The following RYR3 variants were observed in gnomAD, a reference collection of about 807,000 sequenced individuals.
The protein encoded by RYR3 is ryanodine receptor 3, also known as brain ryanodine receptor-calcium release channel.
RYR3 carries 207 observed loss-of-function variants against 584.3 expected under a neutral mutation model. The observed-to-expected ratio is 0.35, with a 90% CI of 0.32 to 0.40. RYR3 has a LOEUF of 0.40. Among genes scored for constraint, RYR3 ranks in the 10% least tolerant of loss-of-function variants. RYR3 has a pLI of 1.00. For synonymous variants in RYR3, 2,416 were observed against 2,248.5 expected (o/e 1.07, Z -2.11); for missense variants, 5,616 against 6,089.2 (o/e 0.92, Z 2.59).
chr15:33,725,920 A>G (rs1225045168), intron 45 of RYR3, among the ~76,000 whole-genome samples: 3 of 136,508 alleles, frequency 2.2e-5, no homozygotes, highest in South Asian at 4.9e-4. Flanking sequence ...CAGTGAGCTG[A>G]GATCACGCCA....
At chr15:33,597,618 C>CAA (rs3085330) in intron 16 of RYR3, among the ~76,000 whole-genome samples, 14,758 of 128,156 alleles carry the variant, frequency 0.12, 980 homozygotes, top group Middle Eastern at 0.19. Flanking sequence ...GACTCTGTCT[C>CAA]AAAAAAAAAA....
At chr15:33,526,800 G>A (rs1401408864) in intron 3 of RYR3, among the ~76,000 whole-genome samples, 1 of 152,286 alleles carries the variant, frequency 6.6e-6, no homozygotes, top group Non-Finnish European at 1.5e-5. Context: ...ATTCTAGGGG[G>A]AGAGAGAATA....
chr15:33,818,515 A>T (rs942379241), intron 75 of RYR3, 63 bp from the exon 76 acceptor site: 3 of 1,230,180 alleles, frequency 2.4e-6, no homozygotes, highest in African/African-American at 3.0e-5. Flanking sequence ...CTTTGTTCGC[A>T]TGCCAGTCAC....
chr15:33,730,934 C>T (rs1027416623), intron 47 of RYR3, among the ~76,000 whole-genome samples: 5 of 152,198 alleles, frequency 3.3e-5, no homozygotes, highest in African/African-American at 1.2e-4. Context: ...AAGTGCTCAC[C>T]AATTAACTGA....
rs535575526 is a variant in RYR3, at chr15:33,563,534, T to C, written c.1146+524T>C. Among the ~76,000 whole-genome samples the C allele has an allele frequency of 3.3e-5, 5 of 152,300 alleles. No homozygotes were observed. The East Asian group carries it at 9.7e-4, about 29-fold the overall frequency. On this transcript the variant is annotated intron_variant, in intron 11 of 103. Transcript: ENST00000634891. ...GCCTGCTCCAGCGAGAAAAACTAGCTTGGGTGCATGCAGCATCTATTTACC... is the reference window on the plus strand; with the variant it reads ...GCCTGCTCCAGCGAGAAAAACTAGCCTGGGTGCATGCAGCATCTATTTACC...
At chr15:33,638,230 G>C (rs747369273) in intron 27 of RYR3, among the ~76,000 whole-genome samples, 28 of 152,212 alleles carry the variant, frequency 1.8e-4, no homozygotes, top group South Asian at 4.1e-4. Context: ...CTGTGTGCTG[G>C]TTCAGAGGCA....
intron 30 of RYR3, among the ~76,000 whole-genome samples, 174 bp downstream of exon 30, chr15:33,647,634 G>C (rs895638422): frequency 3.9e-5 from 6 of 152,140 alleles, no homozygotes; most frequent in African/African-American, 1.4e-4. Flanking sequence ...TCAAGTGGGG[G>C]AAAGACAGTT....
intron 38 of RYR3, among the ~76,000 whole-genome samples, chr15:33,684,744 A>G (rs1057402010): frequency 6.6e-6 from 1 of 152,206 alleles, no homozygotes; most frequent in African/African-American, 2.4e-5. Flanking sequence ...TAGACTAACA[A>G]TGGATCTCTC....
chr15:33,861,391 C>G (rs897148652), intron 102 of RYR3, among the ~76,000 whole-genome samples: 2 of 152,128 alleles, frequency 1.3e-5, no homozygotes, highest in South Asian at 2.1e-4. Flanking sequence ...AGGCCAGCCC[C>G]TCAACCTGTG....
intron 89 of RYR3, among the ~76,000 whole-genome samples, chr15:33,840,222 G>T (rs548656330): frequency 6.6e-6 from 1 of 152,186 alleles, no homozygotes; most frequent in African/African-American, 2.4e-5. Context: ...TCCAGGCAGA[G>T]GATATGGCTA....
intron 1 of RYR3, among the ~76,000 whole-genome samples, chr15:33,350,489 A>G (rs1351320400): frequency 6.6e-6 from 1 of 151,568 alleles, no homozygotes; most frequent in Non-Finnish European, 1.5e-5. Flanking sequence ...ACCTATTCCA[A>G]AATTGACCAC....
intron 34 of RYR3, 80 bp downstream of exon 34, chr15:33,660,503 G>T: frequency 1.0e-6 from 1 of 958,554 alleles, no homozygotes; most frequent in Non-Finnish European, 1.5e-6. Flanking sequence ...AAGGAAACCA[G>T]GAGCATCTGT....
chr15:33,530,645 G>GAGGC lies in RYR3; in HGVS notation c.335_338dup (p.His113GlnfsTer25). The GAGGC allele has an allele frequency of 6.2e-7, 1 of 1,613,558 alleles. No individual in the cohort carries two copies. The highest frequency in any genetic ancestry group is 8.5e-7 in the Non-Finnish European group (1 of 1,179,642). On this transcript the variant is annotated frameshift_variant, in exon 4 of 104. Transcript: ENST00000634891. LOFTEE classifies it high-confidence loss of function. ...TGTTATACGGCCATGCAGTTCTCCT[G>GAGGC]AGGCACTCTTTCAGCGGAATGGTAA... is the stretch of plus-strand genomic sequence containing the variant.
chr15:33,859,688 C>G lies in RYR3; in HGVS notation c.14256C>G (p.Thr4752=), dbSNP rs1029546335. Residue 4752 remains threonine (T), a synonymous_variant, in exon 100 of 104, where the codon ACC becomes ACG. Coordinates refer to ENST00000634891, the MANE Select transcript of RYR3 (RefSeq NM_001036.6). Reference sequence around the variant, plus strand: ...TGTATCGCATTGTCTTTGACATTACCTTTTTCTTCTTCGTCATTGTCATCT... The same window carrying G: ...TGTATCGCATTGTCTTTGACATTACGTTTTTCTTCTTCGTCATTGTCATCT... ...YEMYRIVFDI[T]FFFFVIVILL... is the part of the protein sequence containing the mutation. The G allele has an allele frequency of 1.2e-6, 2 of 1,613,186 alleles. No individual in the cohort carries two copies. Among genetic ancestry groups the G allele is most frequent in the Admixed American group, 3.3e-5 (2 of 59,920 alleles).
In RYR3 at chr15:33,643,872, T is replaced by A. The variant is rs1370392521; in HGVS notation, c.3557-439T>A. Among the ~76,000 whole-genome samples, 5 of 152,324 alleles carry A rather than the reference T, an allele frequency of 3.3e-5. No homozygotes were observed. In the East Asian group the frequency reaches 9.6e-4, roughly 29 times the overall value. The stretch of plus-strand genomic sequence containing the variant: ...CATCTCACATAGTTACCCATCTTTT[T>A]GTTTTTGTGGCAGAAAATCTCACCA... On this transcript the variant is annotated intron_variant, in intron 27 of 103. Transcript: ENST00000634891.
At chr15:33,740,982 C>G (rs1484622512) in intron 51 of RYR3, among the ~76,000 whole-genome samples, 3 of 152,200 alleles carry the variant, frequency 2.0e-5, no homozygotes, top group Admixed American at 6.5e-5. Flanking sequence ...AAGGCAGGTG[C>G]TGACTTGGGA....
At chr15:33,338,014 G>T (rs1162638938) in intron 1 of RYR3, among the ~76,000 whole-genome samples, 1 of 136,676 alleles carries the variant, frequency 7.3e-6, no homozygotes, top group Non-Finnish European at 1.5e-5. Flanking sequence ...GCGCGATCTT[G>T]GCTCACCGAA....
rs767502965 is a variant in RYR3, at chr15:33,769,096, A to AT, written c.8756-8dup. 39 of 1,601,410 alleles carry AT rather than the reference A, an allele frequency of 2.4e-5. No homozygotes were observed. The highest frequency in any genetic ancestry group is 6.7e-5 in the East Asian group (3 of 44,810). ...GAGTGGTTTGAGGGAATCACAGATG[A>AT]TTTTTTTTATTCCAGGTAGTGATTC... is the stretch of plus-strand genomic sequence containing the variant. On this transcript the variant is annotated splice_polypyrimidine_tract_variant and intron_variant, in intron 61 of 103. Transcript: ENST00000634891.
chr15:33,768,700 C>A lies in RYR3; in HGVS notation c.8748C>A (p.Ser2916=), dbSNP rs762140107. The part of the protein sequence containing the change: ...KLAALVRHRI[S]LFGSDSTTMV... ...CCGCTCTCGTTAGACACAGAATTTC[C>A]CTCTTTGGTAAGTGAAGTGTTGCTC... is the stretch of plus-strand genomic sequence containing the variant. The change falls in exon 61 of 104, where the codon TCC becomes TCA. Residue 2916 remains serine, a synonymous_variant. Transcript: ENST00000634891. 4 of 1,613,744 alleles carry A rather than the reference C, an allele frequency of 2.5e-6. No individual in the cohort carries two copies. The East Asian group carries it at 6.7e-5, about 27-fold the overall frequency.
Sources: gnomAD v4.1 joint callset for allele counts (sites outside exome capture counted in the v4.1 genomes callset) on GRCh38, gnomAD v4.1.1 for gene constraint, MANE v1.5 for transcripts, NCBI Gene and HGNC (gene_info 2026-07-23, HGNC 2026-07-21) for gene names.